ZNF644: variants seen among roughly 807,000 people sequenced by gnomAD.
ZNF644 encodes the protein zinc finger motif enhancer binding protein 2.
A neutral mutation model predicts 108.0 loss-of-function variants in ZNF644; 20 were observed. That is an observed-to-expected ratio of 0.19 (90% CI 0.13 to 0.27). The LOEUF (loss-of-function observed/expected upper bound fraction) is 0.27, where lower values mean the gene tolerates loss of function less well. Among genes scored for constraint, ZNF644 ranks in the 10% least tolerant of loss-of-function variants. The probability of loss-of-function intolerance (pLI) is 1.00; values close to 1 mark genes in which losing one functional copy is unlikely to be tolerated. For synonymous variants in ZNF644, 542 were observed against 539.1 expected, an observed-to-expected ratio of 1.01 and a Z score of -0.08; for missense variants, 1,338 against 1,548.9, an observed-to-expected ratio of 0.86 and a Z score of 2.29.
chr1:90,969,329 A>G (rs568810568), intron 2 of ZNF644, among the ~76,000 whole-genome samples: 1 of 152,260 alleles, frequency 6.6e-6, no homozygotes, highest in South Asian at 2.1e-4. Context: ...GCCTGCAAAC[A>G]TCTTGATCCT....
intron 1 of ZNF644, among the ~76,000 whole-genome samples, chr1:90,988,710 A>G (rs1004838673): frequency 6.6e-6 from 1 of 152,226 alleles, no homozygotes; most frequent in Non-Finnish European, 1.5e-5. Flanking sequence ...GAAACAAAAT[A>G]TAGATAGCCC....
At chr1:91,012,228 G>A (rs1336612204) in intron 1 of ZNF644, among the ~76,000 whole-genome samples, 1 of 151,836 alleles carries the variant, frequency 6.6e-6, no homozygotes, top group Non-Finnish European at 1.5e-5. Flanking sequence ...CTACCCTTGG[G>A]AGGGAGGACA....
chr1:90,940,378 G>T lies in ZNF644; in HGVS notation c.976C>A (p.Leu326Ile). 1.2e-6 allele frequency: 2 copies of T among 1,613,596 alleles called. No homozygotes were observed. The highest frequency in any genetic ancestry group is 3.3e-4 in the Middle Eastern group (2 of 6,060). Residue 326 changes from leucine to isoleucine, a missense_variant, in exon 3 of 6, where the codon CTA becomes ATA. Coordinates refer to ENST00000337393, the MANE Select transcript of ZNF644 (RefSeq NM_201269.3). ...NKSKMQEVDF[L>I]EQNEELQAVD... ...GCTTGTAGCTCTTCATTTTGTTCTA[G>T]AAAGTCTACTTCTTGCATTTTTGAT...
chr1:90,978,108 T>C (rs1232770036), intron 2 of ZNF644, among the ~76,000 whole-genome samples: 1 of 152,148 alleles, frequency 6.6e-6, no homozygotes, highest in Non-Finnish European at 1.5e-5. Flanking sequence ...TCCCAGCACT[T>C]TGGGAGGCTG....
At chr1:90,988,166 GA>G (rs925301386) in intron 1 of ZNF644, among the ~76,000 whole-genome samples, 1 of 151,034 alleles carries the variant, frequency 6.6e-6, no homozygotes, top group Non-Finnish European at 1.5e-5. Flanking sequence ...AAATTTTCAA[GA>G]AAAAAAATGT....
intron 1 of ZNF644, among the ~76,000 whole-genome samples, chr1:90,993,954 T>A (rs534200915): frequency 6.6e-6 from 1 of 152,326 alleles, no homozygotes; most frequent in Admixed American, 6.5e-5. Flanking sequence ...GACACATTCT[T>A]ACTCAACTAT....
At chr1:90,963,715 T>TA (rs71087915) in intron 2 of ZNF644, among the ~76,000 whole-genome samples, 3 of 151,726 alleles carry the variant, frequency 2.0e-5, no homozygotes, top group East Asian at 1.9e-4. Context: ...CAGAAACAAG[T>TA]AAAAAAAAGT....
intron 4 of ZNF644, among the ~76,000 whole-genome samples, chr1:90,919,957 T>G (rs1284666885): frequency 1.3e-5 from 2 of 152,060 alleles, no homozygotes; most frequent in Non-Finnish European, 2.9e-5. Context: ...CCAGCCAGCT[T>G]ATGTACAGAA....
intron 2 of ZNF644, among the ~76,000 whole-genome samples, chr1:90,947,013 G>A (rs751688541): frequency 2.6e-5 from 4 of 152,164 alleles, no homozygotes; most frequent in Non-Finnish European, 5.9e-5. Context: ...ACGGAAGCAG[G>A]TAACTGTGTG....
chr1:91,015,226 A>T (rs1660326510), intron 1 of ZNF644, among the ~76,000 whole-genome samples: 3 of 152,270 alleles, frequency 2.0e-5, no homozygotes, highest in Admixed American at 1.3e-4. Flanking sequence ...TTGTGCTAGG[A>T]GGAGGTTGGT....
chr1:90,999,582 C>T (rs1238555304), intron 1 of ZNF644, among the ~76,000 whole-genome samples: 2 of 152,198 alleles, frequency 1.3e-5, no homozygotes, highest in Non-Finnish European at 2.9e-5. Flanking sequence ...ACTGCAAAAA[C>T]ATGCCCAATT....
intron 1 of ZNF644, among the ~76,000 whole-genome samples, chr1:90,990,281 T>C (rs1243484639): frequency 6.6e-6 from 1 of 152,156 alleles, no homozygotes; most frequent in African/African-American, 2.4e-5. Context: ...TTAAAAACAG[T>C]TAAGATGGCA....
rs1049727058 is a variant in ZNF644, at chr1:90,927,526, T to C, written c.3689-9372A>G. The stretch of plus-strand genomic sequence containing the variant: ...TTGGAGCAATAACCACCAAAATGGT[T>C]AGGAAAAATCAAGTTATTAACAGTT... On this transcript the variant is annotated intron_variant, in intron 4 of 5. Transcript: ENST00000337393. Among the ~76,000 whole-genome samples the C allele has an allele frequency of 3.3e-5, 5 of 152,116 alleles. No individual in the cohort carries two copies. The South Asian group carries it at 1.0e-3, about 32-fold the overall frequency.
At chr1:90,946,708 T>C (rs529488259) in intron 2 of ZNF644, among the ~76,000 whole-genome samples, 103 of 152,148 alleles carry the variant, frequency 6.8e-4, no homozygotes, top group Non-Finnish European at 1.2e-3. Flanking sequence ...GAAAACTCAA[T>C]GTTACAGCCA....
chr1:90,984,186 C>T (rs776642614), intron 1 of ZNF644, among the ~76,000 whole-genome samples: 22 of 152,082 alleles, frequency 1.4e-4, no homozygotes, highest in Admixed American at 3.9e-4. Flanking sequence ...TTTACACCAA[C>T]CAGTTTGTGG....
At chr1:91,021,652 C>T (rs1217481935) in intron 1 of ZNF644, 1 of 148,308 alleles carries the variant, frequency 6.7e-6, no homozygotes, top group African/African-American at 2.5e-5. Flanking sequence ...CCCATCCCCC[C>T]GCCGAGTCCC....
Position 90,939,778 on chromosome 1 carries a change from A to G in ZNF644, c.1576T>C (p.Cys526Arg). The G allele has an allele frequency of 6.2e-7, 1 of 1,613,940 alleles. No homozygotes were observed. The highest frequency in any genetic ancestry group is 2.2e-5 in the East Asian group (1 of 44,864). ...GCCATGAAGTTACACTCTTCACAGC[A>G]GTAGTACCTTTTATCTTTTTCATGG... ...KTHEKDKRYY[C>R]CEECNFMAVT... Residue 526 changes from cysteine to arginine, a missense_variant, in exon 3 of 6, where the codon TGC (cysteine) becomes CGC (arginine). Around this residue, in one of 6 missense-constraint regions of ZNF644, gnomAD observed 80 missense variants for 183.0 expected, o/e 0.44. Transcript: ENST00000337393.
chr1:90,970,516 ATATTGCT>A (rs1333602750), intron 2 of ZNF644, among the ~76,000 whole-genome samples: 3 of 152,226 alleles, frequency 2.0e-5, no homozygotes, highest in Admixed American at 2.0e-4. Flanking sequence ...GAATTTTTAA[ATATTGCT>A]GTACTTGAAG....
At chr1:90,971,177 T>C (rs1446112609) in intron 2 of ZNF644, among the ~76,000 whole-genome samples, 1 of 150,730 alleles carries the variant, frequency 6.6e-6, no homozygotes, top group East Asian at 2.0e-4. Flanking sequence ...AAAAGTATTA[T>C]ACACCGTAAG....
Sources: gnomAD v4.1 joint callset for allele counts (sites outside exome capture counted in the v4.1 genomes callset) on GRCh38, gnomAD v4.1.1 for gene constraint, gnomAD v4.1.1 regional missense constraint, MANE v1.5 for transcripts, NCBI Gene and HGNC (gene_info 2026-07-23, HGNC 2026-07-21) for gene names.